Variants in KLF8 observed in about 807,000 individuals in gnomAD.
KLF8 encodes Krueppel-like factor 8.
A neutral mutation model predicts 18.2 loss-of-function variants in KLF8; 10 were observed. The observed-to-expected ratio is 0.55, with a 90% CI of 0.34 to 0.93. The LOEUF (loss-of-function observed/expected upper bound fraction) is 0.93. Among genes scored for constraint, KLF8 ranks in the 40% least tolerant of loss-of-function variants. The pLI is 0.02. For synonymous variants in KLF8, 109 were observed against 97.3 expected (o/e 1.12, Z -0.71); for missense variants, 264 against 277.9 (o/e 0.95, Z 0.36).
At chrX:56,154,483 C>T in the KLF8 span, among the ~76,000 whole-genome samples, 4 of 111,747 alleles carry the variant, frequency 3.6e-5, no homozygotes, top group African/African-American at 9.8e-5. Context: ...AAATGTTAGA[C>T]CTAAAACCAT....
chrX:56,085,134 T>C, the KLF8 span, among the ~76,000 whole-genome samples: 10 of 111,817 alleles, frequency 8.9e-5, no homozygotes, highest in Non-Finnish European at 1.7e-4. Context: ...CACTTGAAAA[T>C]GAGCTTATCT....
chrX:56,190,421 T>C, the KLF8 span, among the ~76,000 whole-genome samples: 7 of 111,721 alleles, frequency 6.3e-5, no homozygotes, highest in African/African-American at 2.3e-4. Context: ...AGACAGATGT[T>C]CCAGACAGGA....
the KLF8 span, among the ~76,000 whole-genome samples, chrX:56,144,683 G>A: frequency 9.6e-6 from 1 of 103,969 alleles, no homozygotes; most frequent in South Asian, 4.8e-4. Flanking sequence ...AACCCGGGAG[G>A]TGGAGGTTGC....
At chrX:55,913,851 G>A in the KLF8 span, among the ~76,000 whole-genome samples, 1 of 111,981 alleles carries the variant, frequency 8.9e-6, no homozygotes, top group Admixed American at 9.5e-5. Context: ...GAAAGGGTGA[G>A]TTTAAGAGAA....
the KLF8 span, among the ~76,000 whole-genome samples, chrX:56,163,365 A>T: frequency 8.9e-6 from 1 of 111,775 alleles, no homozygotes; most frequent in African/African-American, 3.3e-5. Flanking sequence ...GGTTTTTTTG[A>T]TATGATTTTT....
intron 5 of KLF8, among the ~76,000 whole-genome samples, chrX:56,272,336 G>A (rs753403351): frequency 2.7e-4 from 30 of 110,756 alleles, no homozygotes; most frequent in Admixed American, 1.4e-3. Context: ...TCAGCCACCC[G>A]AGTAGCTGGG....
At chrX:56,088,965 T>A in the KLF8 span, among the ~76,000 whole-genome samples, 16 of 111,519 alleles carry the variant, frequency 1.4e-4, no homozygotes, top group African/African-American at 2.9e-4. Context: ...ATGAACACAA[T>A]CAAAGAAAAA....
At chrX:56,187,567 C>A in the KLF8 span, among the ~76,000 whole-genome samples, 1 of 111,096 alleles carries the variant, frequency 9.0e-6, no homozygotes, top group Non-Finnish European at 1.9e-5. Context: ...AGAGACACAA[C>A]CAAAAAAGAA....
the KLF8 span, among the ~76,000 whole-genome samples, chrX:56,040,153 G>A: frequency 3.6e-4 from 40 of 111,115 alleles, no homozygotes; most frequent in African/African-American, 1.2e-3. Flanking sequence ...TCAAGATACA[G>A]GATCATGTCA....
chrX:56,177,042 GTTAGAACTTCCTCT>G, the KLF8 span, among the ~76,000 whole-genome samples: 1 of 110,785 alleles, frequency 9.0e-6, no homozygotes, highest in East Asian at 2.8e-4. Flanking sequence ...TTTGCCATTG[GTTAGAACTTCCTCT>G]TTAGCTCGGA....
chrX:56,007,259 A>T, the KLF8 span, among the ~76,000 whole-genome samples: 2 of 110,714 alleles, frequency 1.8e-5, no homozygotes, highest in Non-Finnish European at 3.8e-5. Context: ...GGATGTAGAG[A>T]TGCAGGGTCT....
At chrX:56,065,462 A>G in the KLF8 span, among the ~76,000 whole-genome samples, 11,225 of 111,281 alleles carry the variant, frequency 0.1, 951 homozygotes, top group African/African-American at 0.28. Flanking sequence ...TTAATATCTT[A>G]AATTGTTATT....
chrX:56,106,657 C>T, the KLF8 span, among the ~76,000 whole-genome samples: 1 of 111,916 alleles, frequency 8.9e-6, no homozygotes, highest in African/African-American at 3.2e-5. Context: ...TGGGTTAGAA[C>T]ATGTTCCTTT....
At chrX:56,168,082 A>G in the KLF8 span, among the ~76,000 whole-genome samples, 1 of 111,877 alleles carries the variant, frequency 8.9e-6, no homozygotes, top group Non-Finnish European at 1.9e-5. Flanking sequence ...CCAATAAACA[A>G]TGGAAAATTG....
At chrX:55,991,306 C>T in the KLF8 span, among the ~76,000 whole-genome samples, 10 of 112,302 alleles carry the variant, frequency 8.9e-5, no homozygotes, top group South Asian at 3.7e-4. Flanking sequence ...CTCCAAGCCA[C>T]GTGCGGGATA....
chrX:56,122,814 C>G, the KLF8 span, among the ~76,000 whole-genome samples: 1 of 110,714 alleles, frequency 9.0e-6, no homozygotes, highest in Non-Finnish European at 1.9e-5. Context: ...GTCTTGAACT[C>G]CTGGGCTCAA....
chrX:55,990,776 C>A, the KLF8 span, among the ~76,000 whole-genome samples: 4 of 112,302 alleles, frequency 3.6e-5, no homozygotes, highest in African/African-American at 1.3e-4. Context: ...TCCAGACCCT[C>A]TTTGCCTGGG....
intron 1 of KLF8, among the ~76,000 whole-genome samples, chrX:56,240,530 T>G (rs2066530236): frequency 8.9e-6 from 1 of 112,163 alleles, no homozygotes; most frequent in Non-Finnish European, 1.9e-5. Flanking sequence ...GCTGTGGCTC[T>G]TTGTCCCTTA....
rs1215594715 is a variant in KLF8, at chrX:56,290,515, A to T, written c.*6021A>T. On this transcript the variant is annotated 3_prime_UTR_variant, in exon 6 of 6. Transcript: ENST00000468660. ...CTTTGTTACTAACAATACGATTATC[A>T]TCTGTTTCCATACTTGAAATGTATT... is the stretch of plus-strand genomic sequence containing the variant. 9.0e-6 allele frequency among the ~76,000 whole-genome samples: 1 copy of T among 111,474 alleles called. No individual in the cohort carries two copies. The highest frequency in any genetic ancestry group is 1.9e-5 in the Non-Finnish European group (1 of 53,061).
Sources: allele counts gnomAD v4.1 joint callset (sites outside exome capture counted in the v4.1 genomes callset), GRCh38; gene constraint gnomAD v4.1.1; transcripts MANE v1.5; gene names NCBI Gene and HGNC (gene_info 2026-07-23, HGNC 2026-07-21).